TUBGCP2: variants seen among roughly 807,000 people sequenced by gnomAD.
TUBGCP2 encodes the protein gamma-tubulin complex component 2.
Under a neutral mutation model 92.2 loss-of-function variants are expected in TUBGCP2, and 55 were observed. The ratio of observed to expected loss-of-function variants is 0.60; its 90% CI spans 0.48 to 0.75. The LOEUF (loss-of-function observed/expected upper bound fraction) is 0.75, where lower values mean the gene tolerates loss of function less well. Among genes scored for constraint, TUBGCP2 ranks in the 30% least tolerant of loss-of-function variants. The pLI is 0.00. For missense variants in TUBGCP2, 1,093 were observed against 1,188.9 expected (o/e 0.92, Z 1.19); for synonymous variants, 533 against 505.2 (o/e 1.06, Z -0.74).
chr10:133,307,265 C>T (rs767245371), intron 1 of TUBGCP2, among the ~76,000 whole-genome samples: 1 of 152,192 alleles, frequency 6.6e-6, no homozygotes, highest in Non-Finnish European at 1.5e-5. Flanking sequence ...CTGACGTCCT[C>T]CTCACAGAGG....
In TUBGCP2 at chr10:133,308,856, C is replaced by G; in HGVS notation, c.-73G>C. ...CGGAGCCACAGCCCCCGCGCAGCCC[C>G]CGACGGCGGCGGAAGTGAGCGTGAC... On this transcript the variant is annotated 5_prime_UTR_variant, in exon 1 of 18. Transcript: ENST00000252936. 1 of 1,140,156 alleles carries G rather than the reference C, an allele frequency of 8.8e-7. No homozygotes were observed. Among genetic ancestry groups the G allele is most frequent in the Non-Finnish European group, 1.1e-6 (1 of 914,466 alleles). The allele number at this position is 1,140,156 out of a possible 1,614,324, so 70.6% of individuals were successfully genotyped here. A position where few individuals can be genotyped will look rare whatever the true frequency, so the allele number is the denominator to read the frequency against.
At chr10:133,282,459 G>C (rs1847008526) in intron 15 of TUBGCP2, 117 bp from the exon 16 acceptor site, 1 of 1,371,110 alleles carries the variant, frequency 7.3e-7, no homozygotes, top group African/African-American at 1.5e-5. Context: ...CCTGCGGCTG[G>C]GGGTACACAA....
chr10:133,290,136 G>T, intron 8 of TUBGCP2, 167 bp from the exon 9 acceptor site: 2 of 984,148 alleles, frequency 2.0e-6, no homozygotes, highest in Non-Finnish European at 1.5e-6. Flanking sequence ...TCAACTGTGG[G>T]CTAAAACGAA....
chr10:133,302,456 GC>G lies in TUBGCP2; in HGVS notation c.150+335del, dbSNP rs1265873045. On this transcript the variant is annotated intron_variant, in intron 2 of 17. Transcript: ENST00000252936. ...CTGCACCAGAGGTGGCGCTCACCCT[GC>G]CCCCTGCACCAGAGGTGGCGCTCAC... 6 of 306,118 alleles carry G rather than the reference GC, an allele frequency of 2.0e-5. No homozygotes were observed. The Admixed American group carries it at 2.8e-4, about 14-fold the overall frequency. The allele number at this position is 306,118 out of a possible 1,614,324, so 19.0% of individuals were successfully genotyped here.
At chr10:133,309,786 T>C (rs1847945770), upstream of TUBGCP2, 4 of 1,613,070 alleles carry the variant, frequency 2.5e-6, no homozygotes, top group South Asian at 4.4e-5. Flanking sequence ...GGTGCCCGCG[T>C]TTGCCTGCCA....
intron 1 of TUBGCP2, among the ~76,000 whole-genome samples, chr10:133,303,536 C>G (rs1323995206): frequency 1.3e-5 from 2 of 152,214 alleles, no homozygotes; most frequent in African/African-American, 4.8e-5. Flanking sequence ...GACGTGAGGC[C>G]TGTGGGGTCT....
chr10:133,311,869 C>G (rs41317290), upstream of TUBGCP2: 3 of 1,613,314 alleles, frequency 1.9e-6, no homozygotes, highest in Non-Finnish European at 2.5e-6. Flanking sequence ...TTCTGAAACC[C>G]GTTCTCAACA....
chr10:133,297,242 A>T lies in TUBGCP2; in HGVS notation c.616+710T>A, dbSNP rs561429761. 179 of 323,456 alleles carry T rather than the reference A, an allele frequency of 5.5e-4. 4 individuals carry two copies. The highest frequency in any genetic ancestry group is 3.6e-3 in the South Asian group (154 of 43,308). The allele number at this position is 323,456 out of a possible 1,614,324, so 20.0% of individuals were successfully genotyped here. The stretch of plus-strand genomic sequence containing the variant: ...CACGGCAAAACCCCGTCTCTACTAA[A>T]AATATAAAAATTAGCCAGGCGTGGT... On this transcript the variant is annotated intron_variant, in intron 5 of 17. Transcript: ENST00000252936.
At position 133,297,991 on chromosome 10, in the gene TUBGCP2, T is replaced by C; in HGVS notation, c.577A>G (p.Ile193Val). ...ERPALIGDFL[I>V]GAGISTDTAL... ...GTGTCTGTGCTGATGCCAGCACCAA[T>C]CAGGAAATCCCCGATCAGGGCAGGT... Residue 193 changes from isoleucine to valine, a missense_variant, in exon 5 of 18, where the codon ATT becomes GTT. Ile to Val is a conservative substitution (Grantham distance 29, BLOSUM62 3). Around this residue, in one of 3 missense-constraint regions of TUBGCP2, gnomAD observed 490 missense variants for 488.5 expected, o/e 1.00. Transcript: ENST00000252936. The C allele has an allele frequency of 1.2e-6, 2 of 1,613,898 alleles. No homozygotes were observed. The highest frequency in any genetic ancestry group is 1.7e-6 in the Non-Finnish European group (2 of 1,179,918).
At chr10:133,296,291 C>T (rs1847486071) in intron 5 of TUBGCP2, among the ~76,000 whole-genome samples, 1 of 152,170 alleles carries the variant, frequency 6.6e-6, no homozygotes. Context: ...TGCTGGGATC[C>T]CAGGCAGCAG....
chr10:133,299,892 G>C (rs1176367663), intron 3 of TUBGCP2, 93 bp downstream of exon 3: 2 of 1,515,744 alleles, frequency 1.3e-6, no homozygotes, highest in African/African-American at 2.8e-5. Flanking sequence ...AGGAAGAGCT[G>C]ACAGGAAGAT....
Position 133,293,166 on chromosome 10 carries a change from C to T in TUBGCP2, c.897G>A (p.Leu299=). The T allele has an allele frequency of 1.2e-6, 2 of 1,613,956 alleles. No homozygotes were observed. Among genetic ancestry groups the T allele is most frequent in the Non-Finnish European group, 8.5e-7 (1 of 1,180,056 alleles). The change falls in exon 7 of 18, where the codon CTG becomes CTA. Residue 299 remains leucine, a synonymous_variant. Transcript: ENST00000252936. ...ACACCAGAATCAGGTGCTCCTTCAC[C>T]AGGGTGCGCATGGCGGCCGCCAGGG... The part of the protein sequence containing the change: ...NHALAAAMRT[L]VKEHLILVSQ...
Position 133,285,472 on chromosome 10 carries a change from A to G in TUBGCP2, c.1879T>C (p.Ser627Pro), listed in dbSNP as rs754008897. The G allele has an allele frequency of 6.2e-7, 1 of 1,613,620 alleles. No individual in the cohort carries two copies. The highest frequency in any genetic ancestry group is 1.3e-5 in the African/African-American group (1 of 75,052). Residue 627 changes from serine (S) to proline (P), a missense_variant, in exon 12 of 18, where the codon TCG becomes CCG. This residue lies in a region of TUBGCP2 where 598 missense variants were observed against 675.5 expected (regional missense o/e 0.89). Transcript: ENST00000252936. The surrounding 1 kb of genome is among the most constrained non-coding windows in gnomAD (Gnocchi z 6.8). ...SFDYIVKWPLSLIINRKALTR... is the reference protein window; with the variant it reads ...SFDYIVKWPLPLIINRKALTR... ...GACCCGCACCTGTTGATGATGAGCG[A>G]AAGGGGCCACTTGACGATGTAGTCG...
At chr10:133,296,567 T>C (rs1338117475) in intron 5 of TUBGCP2, among the ~76,000 whole-genome samples, 1 of 151,854 alleles carries the variant, frequency 6.6e-6, no homozygotes, top group Admixed American at 6.6e-5. Flanking sequence ...AGCCTCGACC[T>C]CTCAGGCTCA....
chr10:133,306,951 G>A (rs925761444), intron 1 of TUBGCP2, among the ~76,000 whole-genome samples: 6 of 152,142 alleles, frequency 3.9e-5, no homozygotes, highest in Non-Finnish European at 7.3e-5. Context: ...GCCCGTACTC[G>A]CACAGAGTCC....
intron 15 of TUBGCP2, among the ~76,000 whole-genome samples, chr10:133,282,802 A>C (rs1847017379): frequency 6.6e-6 from 1 of 152,186 alleles, no homozygotes; most frequent in Non-Finnish European, 1.5e-5. Flanking sequence ...AGAGCATGCA[A>C]GGGCCATAAG....
intron 4 of TUBGCP2, 115 bp downstream of exon 4, chr10:133,299,308 CAGAG>C: frequency 2.5e-6 from 2 of 800,200 alleles, no homozygotes; most frequent in East Asian, 2.9e-5. Context: ...CAATAAATGA[CAGAG>C]AGACATGTCC....
intron 1 of TUBGCP2, 60 bp from the exon 2 acceptor site, chr10:133,303,040 T>G: frequency 1.3e-6 from 2 of 1,496,790 alleles, no homozygotes; most frequent in South Asian, 2.4e-5. Flanking sequence ...AAACATTTTT[T>G]TAAACACTCA....
chr10:133,288,536 T>G (rs1438333242), intron 10 of TUBGCP2, among the ~76,000 whole-genome samples: 1 of 152,200 alleles, frequency 6.6e-6, no homozygotes, highest in Admixed American at 6.5e-5. Flanking sequence ...TACAACAGGC[T>G]AAGCGCTTGG....
Sources: allele counts gnomAD v4.1 joint callset (sites outside exome capture counted in the v4.1 genomes callset), GRCh38; gene constraint gnomAD v4.1.1; regional missense constraint gnomAD v4.1.1; non-coding constraint Gnocchi (gnomAD v3.1); transcripts MANE v1.5; gene names NCBI Gene and HGNC (gene_info 2026-07-23, HGNC 2026-07-21).